The following SLC9A6 variants were observed in gnomAD, a reference collection of about 807,000 sequenced individuals.
SLC9A6 encodes the protein solute carrier family 9 member A6.
Under a neutral mutation model 45.3 loss-of-function variants are expected in SLC9A6, and 6 were observed. The ratio of observed to expected loss-of-function variants is 0.13; its 90% confidence interval spans 0.07 to 0.26. The LOEUF is 0.26. Ranked by LOEUF, SLC9A6 falls within the 10% of genes least tolerant of loss-of-function variation. The pLI is 1.00. For missense variants in SLC9A6, 278 were observed against 503.7 expected, an observed-to-expected ratio of 0.55 and a Z score of 4.29; for synonymous variants, 191 against 187.7, an observed-to-expected ratio of 1.02 and a Z score of -0.14.
At chrX:136,006,929 C>T (rs1174879166) in intron 7 of SLC9A6, among the ~76,000 whole-genome samples, 3 of 110,223 alleles carry the variant, frequency 2.7e-5, no homozygotes, top group East Asian at 5.7e-4. Context: ...TACAATGGCG[C>T]GGTCTTGGCT....
intron 10 of SLC9A6, among the ~76,000 whole-genome samples, chrX:136,015,452 T>C (rs1285647286): frequency 8.9e-6 from 1 of 111,734 alleles, no homozygotes; most frequent in Non-Finnish European, 1.9e-5. Context: ...ATCCTGGTTC[T>C]ACTACTTGCT....
chrX:136,040,352 A>G (rs1556622425), intron 17 of SLC9A6, among the ~76,000 whole-genome samples, 171 bp downstream of exon 17: 1 of 112,562 alleles, frequency 8.9e-6, no homozygotes, highest in African/African-American at 3.2e-5. Context: ...ACTGAAACCT[A>G]TAAATATAAT....
At chrX:136,031,077 C>T (rs782750683) in intron 15 of SLC9A6, among the ~76,000 whole-genome samples, 2 of 111,933 alleles carry the variant, frequency 1.8e-5, no homozygotes, top group Non-Finnish European at 3.8e-5. Flanking sequence ...GTACTTGACT[C>T]TTGTGGTCAG....
At chrX:136,028,257 C>T (rs782063631) in intron 13 of SLC9A6, among the ~76,000 whole-genome samples, 1 of 112,087 alleles carries the variant, frequency 8.9e-6, no homozygotes, top group African/African-American at 3.2e-5. Flanking sequence ...GATATTAGCC[C>T]CATTTTCCAG....
chrX:136,040,966 C>T (rs782783547), intron 17 of SLC9A6, among the ~76,000 whole-genome samples: 1 of 110,622 alleles, frequency 9.0e-6, no homozygotes, highest in Non-Finnish European at 1.9e-5. Context: ...ACCAAAATTA[C>T]AAAAATTAGC....
At chrX:136,034,058 C>T (rs1455101784) in intron 16 of SLC9A6, among the ~76,000 whole-genome samples, 1 of 110,782 alleles carries the variant, frequency 9.0e-6, no homozygotes, top group East Asian at 2.9e-4. Flanking sequence ...AAGTCTGTTT[C>T]ATAGCTGTAC....
chrX:136,035,740 TTTTGTTTGTTTG>T (rs782184098), intron 16 of SLC9A6, among the ~76,000 whole-genome samples: 1 of 109,919 alleles, frequency 9.1e-6, no homozygotes. Flanking sequence ...TTAACGTGTT[TTTTGTTTGTTTG>T]TTTGTTTGTT....
intron 17 of SLC9A6, among the ~76,000 whole-genome samples, chrX:136,042,236 G>A (rs893468504): frequency 1.3e-4 from 14 of 107,713 alleles, no homozygotes; most frequent in Middle Eastern, 4.8e-3. Context: ...GTGCAGTGGC[G>A]CGATCTTGGC....
chrX:135,978,167 T>C (rs1474901545), intron 1 of SLC9A6, among the ~76,000 whole-genome samples: 3 of 112,406 alleles, frequency 2.7e-5, no homozygotes, highest in Non-Finnish European at 5.6e-5. Context: ...TAGCTATTTT[T>C]GTAAGCTAAA....
At chrX:135,977,558 G>A (rs782495671) in intron 1 of SLC9A6, among the ~76,000 whole-genome samples, 1 of 111,903 alleles carries the variant, frequency 8.9e-6, no homozygotes, top group Non-Finnish European at 1.9e-5. Context: ...GACTATTATA[G>A]ATATTTATGA....
rs2089475303 is a variant in SLC9A6 at position 135,994,718 on chromosome X, G to A, written c.170-68G>A. Reference sequence around the variant, plus strand: ...CGTAAGAGATTTTCTCTTATCCATAGTTATGCGTGGGGTACAAAAGAAGTG... The same window carrying A: ...CGTAAGAGATTTTCTCTTATCCATAATTATGCGTGGGGTACAAAAGAAGTG... On this transcript the variant is annotated intron_variant, in intron 2 of 17. Coordinates refer to ENST00000630721, the MANE Select transcript of SLC9A6 (RefSeq NM_001379110.1). 4.9e-6 allele frequency: 5 copies of A among 1,021,053 alleles called. No individual in the cohort carries two copies. In the Middle Eastern group the frequency reaches 1.3e-3, roughly 256 times the overall value. 84.1% of individuals were successfully genotyped at this position (1,021,053 alleles called of 1,213,427 possible). A position where few individuals can be genotyped will look rare whatever the true frequency, so the allele number is the denominator to read the frequency against.
chrX:135,988,726 G>T (rs781826093), intron 2 of SLC9A6, among the ~76,000 whole-genome samples: 1 of 109,324 alleles, frequency 9.1e-6, no homozygotes, highest in South Asian at 3.9e-4. Flanking sequence ...ATCCTTCTGA[G>T]TTACTGTGAC....
intron 16 of SLC9A6, among the ~76,000 whole-genome samples, chrX:136,037,038 A>G (rs1189360768): frequency 8.9e-6 from 1 of 112,337 alleles, no homozygotes; most frequent in African/African-American, 3.2e-5. Flanking sequence ...AAGTGGGGAT[A>G]AGTTTCTGGA....
chrX:135,974,781 A>C, exon 1 of SLC9A6: 2 of 329,407 alleles, frequency 6.1e-6, no homozygotes, highest in Admixed American at 6.4e-5. Flanking sequence ...AAACCATTTT[A>C]AGGTCCTGGA....
At chrX:136,001,286 G>A (rs1474369376) in intron 6 of SLC9A6, among the ~76,000 whole-genome samples, 7 of 98,807 alleles carry the variant, frequency 7.1e-5, no homozygotes, top group Non-Finnish European at 1.2e-4. Flanking sequence ...GCAGTGAGCC[G>A]AGATTGCGCC....
At position 136,010,232 on chromosome X, in the gene SLC9A6, C is replaced by A. The variant is rs375768120; in HGVS notation, c.744-210C>A. The A allele has an allele frequency of 8.1e-5, 28 of 347,761 alleles. 1 individual carries two copies. The highest frequency in any genetic ancestry group is 6.0e-4 in the African/African-American group (22 of 36,964). The allele number at this position is 347,761 out of a possible 1,213,427, so 28.7% of individuals were successfully genotyped here. On this transcript the variant is annotated intron_variant, in intron 7 of 17. Transcript: ENST00000630721. ...GGATTTTACAATGTTCTACCCCCCC[C>A]CCGAAATTAACATTTAAGGGAAAGC... is the stretch of plus-strand genomic sequence containing the variant.
At chrX:136,012,838 T>A in intron 8 of SLC9A6, 111 bp from the exon 9 acceptor site, 1 of 580,426 alleles carries the variant, frequency 1.7e-6, no homozygotes, top group Non-Finnish European at 3.1e-6. Context: ...GAGATTTCTG[T>A]GTTAGAGAAG....
At chrX:135,994,533 C>T (rs1421622166) in intron 2 of SLC9A6, among the ~76,000 whole-genome samples, 1 of 111,870 alleles carries the variant, frequency 8.9e-6, no homozygotes, top group Non-Finnish European at 1.9e-5. Context: ...AAATATTGAT[C>T]TAGAAATGCA....
chrX:136,039,212 A>T (rs2071464037), intron 16 of SLC9A6, among the ~76,000 whole-genome samples: 1 of 108,509 alleles, frequency 9.2e-6, no homozygotes. Flanking sequence ...AAAATCAAAT[A>T]AAAAAAAATT....
Sources: gnomAD v4.1 joint callset for allele counts (sites outside exome capture counted in the v4.1 genomes callset) on GRCh38, gnomAD v4.1.1 for gene constraint, MANE v1.5 for transcripts, NCBI Gene and HGNC (gene_info 2026-07-23, HGNC 2026-07-21) for gene names.